DNAH14: variants seen among roughly 807,000 people sequenced by gnomAD.
DNAH14 encodes the protein axonemal beta dynein heavy chain 14.
A neutral mutation model predicts 520.9 loss-of-function variants in DNAH14; 478 were observed. That is an observed-to-expected ratio of 0.92 (90% CI 0.85 to 0.99). The LOEUF (loss-of-function observed/expected upper bound fraction) is 0.99, where lower values mean the gene tolerates loss of function less well. Ranked by LOEUF, DNAH14 falls within the 50% of genes least tolerant of loss-of-function variation. The probability of loss-of-function intolerance (pLI) is 0.00; values close to 1 mark genes in which losing one functional copy is unlikely to be tolerated. For synonymous variants in DNAH14, 1,581 were observed against 1,757.2 expected (o/e 0.90, Z 2.51); for missense variants, 4,831 against 5,234.5 (o/e 0.92, Z 2.38).
chr1:225,042,463 A>C (rs925216494), intron 12 of DNAH14, among the ~76,000 whole-genome samples: 4 of 152,174 alleles, frequency 2.6e-5, no homozygotes, highest in African/African-American at 9.7e-5. Flanking sequence ...CCAGGTGCAC[A>C]ATAGAGTCAC....
chr1:225,337,632 T>A (rs1258634719), intron 67 of DNAH14, 136 bp downstream of exon 67: 1 of 680,966 alleles, frequency 1.5e-6, no homozygotes, highest in Non-Finnish European at 2.5e-6. Context: ...CATATATACT[T>A]ACAGACAGAG....
chr1:225,269,995 T>C (rs2093263170), intron 49 of DNAH14, among the ~76,000 whole-genome samples: 1 of 152,168 alleles, frequency 6.6e-6, no homozygotes, highest in Admixed American at 6.5e-5. Flanking sequence ...GGATTATAAA[T>C]CATGCTGCTA....
rs2073000643 is a variant in DNAH14 at position 225,080,532 on chromosome 1, C to T, written c.2920C>T (p.His974Tyr). The change falls in exon 19 of 86, where the codon CAT becomes TAT. Residue 974 changes from histidine to tyrosine, a missense_variant. Physicochemically the swap from His to Tyr is moderately conservative, Grantham distance 83 (BLOSUM62 2). Coordinates refer to ENST00000682510, the MANE Select transcript of DNAH14 (RefSeq NM_001367479.1). ...TTTCAGTGATTCTCAATCTCATATG[C>T]ATTCTGTTAATGTGGAAGAAATTAC... ...DCFSDSQSHM[H>Y]SVNVEEITQI... 6.4e-7 allele frequency: 1 copy of T among 1,551,752 alleles called. No individual in the cohort carries two copies. Among genetic ancestry groups the T allele is most frequent in the Non-Finnish European group, 8.7e-7 (1 of 1,147,028 alleles).
intron 10 of DNAH14, 36 bp downstream of exon 10, chr1:225,007,580 C>T (rs1212441698): frequency 2.1e-6 from 3 of 1,439,210 alleles, no homozygotes; most frequent in East Asian, 2.8e-5. Flanking sequence ...ATCAAAGTTG[C>T]AATTTACTAG....
chr1:225,055,986 C>A (rs1300123179), intron 17 of DNAH14, among the ~76,000 whole-genome samples: 1 of 151,930 alleles, frequency 6.6e-6, no homozygotes, highest in Non-Finnish European at 1.5e-5. Flanking sequence ...AATAGTGCTG[C>A]AATAAATATA....
chr1:225,373,335 C>G (rs1029576320), intron 77 of DNAH14, among the ~76,000 whole-genome samples: 1 of 152,006 alleles, frequency 6.6e-6, no homozygotes, highest in Non-Finnish European at 1.5e-5. Flanking sequence ...CGTGGTGGTG[C>G]GCGCCTGTAG....
chr1:225,099,990 G>GA (rs945199231), intron 22 of DNAH14, among the ~76,000 whole-genome samples: 3 of 151,696 alleles, frequency 2.0e-5, no homozygotes, highest in South Asian at 4.2e-4. Context: ...TAGGTGAACA[G>GA]AAAAAAAAGA....
chr1:225,250,842 TG>T (rs2149702554), intron 43 of DNAH14: 1 of 423,654 alleles, frequency 2.4e-6, no homozygotes, highest in East Asian at 3.6e-5. Context: ...TACCTGGCTT[TG>T]GGGTGATTAG....
rs868048326 is a variant in DNAH14 at position 225,057,535 on chromosome 1, G to A, written c.2424+5740G>A. ...TACCCTTTATTTCCTTCTCTTGCCT[G>A]ACTGCCCTGGCCAGAACTTCCAACA... is the stretch of plus-strand genomic sequence containing the variant. On this transcript the variant is annotated intron_variant, in intron 17 of 85. Transcript: ENST00000682510. Among the ~76,000 whole-genome samples the A allele has an allele frequency of 4.4e-4, 67 of 152,190 alleles. 2 individuals carry two copies. The highest frequency in any genetic ancestry group is 6.8e-3 in the Middle Eastern group (2 of 294).
Position 225,050,218 on chromosome 1 carries a change from A to T in DNAH14, c.1921A>T (p.Thr641Ser), listed in dbSNP as rs1317061652. Residue 641 changes from threonine to serine, a missense_variant, in exon 16 of 86, where the codon ACT (threonine) becomes TCT (serine). By Grantham distance (58) the Thr-to-Ser change is moderately conservative. Coordinates refer to ENST00000682510, the MANE Select transcript of DNAH14 (RefSeq NM_001367479.1). The stretch of plus-strand genomic sequence containing the variant: ...TAAATTATATATTTTAGCCACAATT[A>T]CTCCTCTTTGCCAAGATCCCCAGCT... ...TNMEKCITTI[T>S]PLCQDPQLSI... 6.5e-7 allele frequency: 1 copy of T among 1,533,868 alleles called. No homozygotes were observed. The highest frequency in any genetic ancestry group is 8.8e-7 in the Non-Finnish European group (1 of 1,142,718).
chr1:225,141,236 A>G (rs992631098), intron 28 of DNAH14, among the ~76,000 whole-genome samples: 1 of 152,126 alleles, frequency 6.6e-6, no homozygotes, highest in African/African-American at 2.4e-5. Flanking sequence ...TTGTGGCCCA[A>G]AAATAAGTGA....
chr1:225,169,674 T>G (rs1319387671), intron 36 of DNAH14, among the ~76,000 whole-genome samples: 1 of 152,106 alleles, frequency 6.6e-6, no homozygotes, highest in East Asian at 1.9e-4. Flanking sequence ...ATGGGGAGAA[T>G]GGAACCAAGT....
At chr1:225,029,120 A>G (rs1024452688) in intron 11 of DNAH14, among the ~76,000 whole-genome samples, 2 of 152,038 alleles carry the variant, frequency 1.3e-5, no homozygotes, top group African/African-American at 4.8e-5. Flanking sequence ...TATTATACTT[A>G]CTTATGCAAC....
Position 225,204,188 on chromosome 1 carries a change from CA to C in DNAH14, c.5895del (p.Lys1965AsnfsTer18). ...TTATTGATTACATATTTTAGGTTTTCAAACTTGATTCCTCTGATACAACAGA... is the reference window on the plus strand; with the variant it reads ...TTATTGATTACATATTTTAGGTTTTCAACTTGATTCCTCTGATACAACAGA... ...SRISDLSNVFKLDSSDTTETD... is the reference protein window; with the variant it reads ...SRISDLSNVFXLDSSDTTETD... On this transcript the variant is annotated frameshift_variant, in exon 39 of 86. Transcript: ENST00000682510. LOFTEE classifies it high-confidence loss of function. The C allele has an allele frequency of 6.2e-6, 9 of 1,451,314 alleles. No homozygotes were observed. The highest frequency in any genetic ancestry group is 7.2e-6 in the Non-Finnish European group (8 of 1,106,644). The allele number at this position is 1,451,314 out of a possible 1,614,324, so 89.9% of individuals were successfully genotyped here. A position where few individuals can be genotyped will look rare whatever the true frequency, so the allele number is the denominator to read the frequency against.
intron 61 of DNAH14, 110 bp downstream of exon 61, chr1:225,318,787 T>G: frequency 9.7e-7 from 1 of 1,032,666 alleles, no homozygotes. Flanking sequence ...CTATATTCCA[T>G]TTCTTAATCT....
At chr1:225,294,151 G>T (rs2093955062) in intron 55 of DNAH14, among the ~76,000 whole-genome samples, 1 of 152,144 alleles carries the variant, frequency 6.6e-6, no homozygotes, top group Admixed American at 6.5e-5. Flanking sequence ...ATCATGAAAG[G>T]ATGTTGGATT....
At chr1:225,376,195 G>A (rs1575098442) in intron 78 of DNAH14, among the ~76,000 whole-genome samples, 1 of 152,220 alleles carries the variant, frequency 6.6e-6, no homozygotes, top group Admixed American at 6.5e-5. Context: ...GGGAGGCCGA[G>A]GAGAGTAGAT....
At chr1:225,145,016 G>A (rs909817732) in intron 29 of DNAH14, among the ~76,000 whole-genome samples, 2 of 151,958 alleles carry the variant, frequency 1.3e-5, no homozygotes, top group Non-Finnish European at 2.9e-5. Flanking sequence ...ACAGAGAAAA[G>A]CAGTAGTAGT....
At chr1:225,050,618 C>T (rs1019873537) in intron 16 of DNAH14, among the ~76,000 whole-genome samples, 2 of 152,130 alleles carry the variant, frequency 1.3e-5, no homozygotes, top group Non-Finnish European at 2.9e-5. Flanking sequence ...AACGTAGGCT[C>T]GTCAGTTGTT....
Sources: gnomAD v4.1 joint callset for allele counts (sites outside exome capture counted in the v4.1 genomes callset) on GRCh38, gnomAD v4.1.1 for gene constraint, MANE v1.5 for transcripts, NCBI Gene and HGNC (gene_info 2026-07-23, HGNC 2026-07-21) for gene names.